Variants in SNTG1 observed in about 807,000 individuals in gnomAD.
The protein encoded by SNTG1 is syntrophin gamma 1.
SNTG1 carries 39 observed loss-of-function variants against 74.7 expected under a neutral mutation model. The ratio of observed to expected loss-of-function variants is 0.52; its 90% confidence interval spans 0.40 to 0.68. The LOEUF is 0.68. Among genes scored for constraint, SNTG1 ranks in the 30% least tolerant of loss-of-function variants. The pLI is 0.00. For missense variants in SNTG1, 685 were observed against 609.5 expected (o/e 1.12, Z -1.30); for synonymous variants, 254 against 217.1 (o/e 1.17, Z -1.49).
At chr8:49,974,659 T>G (rs1288615924) in intron 1 of SNTG1, among the ~76,000 whole-genome samples, 1 of 152,144 alleles carries the variant, frequency 6.6e-6, no homozygotes, top group Non-Finnish European at 1.5e-5. Context: ...CTACATCAAC[T>G]GTAAAATGAA....
At chr8:50,491,208 A>G (rs986151506) in intron 8 of SNTG1, 1 of 152,320 alleles carries the variant, frequency 6.6e-6, no homozygotes, top group Admixed American at 6.5e-5. Flanking sequence ...CACACCTCGG[A>G]CAGCCAACAA....
chr8:50,242,614 C>T (rs1313716511), intron 2 of SNTG1, among the ~76,000 whole-genome samples: 1 of 151,164 alleles, frequency 6.6e-6, no homozygotes, highest in African/African-American at 2.4e-5. Context: ...TGTGAAGCCC[C>T]CAAATATGTA....
At chr8:50,445,347 C>T (rs540039916) in intron 5 of SNTG1, among the ~76,000 whole-genome samples, 7 of 152,118 alleles carry the variant, frequency 4.6e-5, no homozygotes, top group Non-Finnish European at 8.8e-5. Context: ...TAGTGGTTAG[C>T]TCTATGCATC....
intron 1 of SNTG1, among the ~76,000 whole-genome samples, chr8:50,119,871 G>A (rs1365976820): frequency 7.0e-6 from 1 of 142,036 alleles, no homozygotes; most frequent in Non-Finnish European, 1.6e-5. Flanking sequence ...TTACAGGAAA[G>A]TGCAATACTC....
chr8:50,136,649 T>G, intron 1 of SNTG1, among the ~76,000 whole-genome samples: 1 of 152,172 alleles, frequency 6.6e-6, no homozygotes, highest in Non-Finnish European at 1.5e-5. Flanking sequence ...CAATGCCTGC[T>G]ATAACTTCCA....
chr8:50,550,925 T>C (rs1396667560), intron 11 of SNTG1, among the ~76,000 whole-genome samples: 1 of 152,108 alleles, frequency 6.6e-6, no homozygotes, highest in Non-Finnish European at 1.5e-5. Flanking sequence ...GAGACAATAA[T>C]TCTATGTGGG....
At chr8:50,216,925 A>G (rs1469491522) in intron 2 of SNTG1, among the ~76,000 whole-genome samples, 1 of 152,030 alleles carries the variant, frequency 6.6e-6, no homozygotes, top group Non-Finnish European at 1.5e-5. Flanking sequence ...AACATACCAG[A>G]TAGTATCCTG....
At chr8:50,436,818 T>C (rs575891205) in intron 4 of SNTG1, among the ~76,000 whole-genome samples, 1 of 152,308 alleles carries the variant, frequency 6.6e-6, no homozygotes, top group African/African-American at 2.4e-5. Context: ...TTAATAGATT[T>C]TGTGTACTTA....
chr8:50,036,268 T>G (rs1818155570), intron 1 of SNTG1, among the ~76,000 whole-genome samples: 2 of 152,120 alleles, frequency 1.3e-5, no homozygotes, highest in African/African-American at 4.8e-5. Flanking sequence ...GATAAGAAAA[T>G]GACAACTATG....
chr8:50,332,455 T>TA (rs11479525), intron 2 of SNTG1, among the ~76,000 whole-genome samples: 3 of 151,888 alleles, frequency 2.0e-5, no homozygotes, highest in African/African-American at 7.3e-5. Flanking sequence ...TTTTTTTTTT[T>TA]AAAATGTGTT....
chr8:50,681,712 T>C (rs1452784547), intron 15 of SNTG1, among the ~76,000 whole-genome samples: 1 of 152,206 alleles, frequency 6.6e-6, no homozygotes, highest in Non-Finnish European at 1.5e-5. Context: ...AAACTCACTT[T>C]TTAGGAATTC....
At chr8:50,442,914 C>T (rs1011209998) in intron 5 of SNTG1, among the ~76,000 whole-genome samples, 11 of 152,126 alleles carry the variant, frequency 7.2e-5, no homozygotes, top group African/African-American at 2.7e-4. Flanking sequence ...GGCTGCTTTT[C>T]CCTGCTTGCA....
At chr8:50,202,064 C>T (rs1449052138) in intron 2 of SNTG1, among the ~76,000 whole-genome samples, 1 of 152,070 alleles carries the variant, frequency 6.6e-6, no homozygotes, top group Non-Finnish European at 1.5e-5. Flanking sequence ...ATAGACAATC[C>T]TTCTTTCCAG....
At chr8:50,588,769 C>T (rs1202005735) in intron 12 of SNTG1, among the ~76,000 whole-genome samples, 1 of 152,056 alleles carries the variant, frequency 6.6e-6, no homozygotes, top group Non-Finnish European at 1.5e-5. Flanking sequence ...AAGAGGCGCA[C>T]AATTTATTAG....
At chr8:50,670,851 A>T (rs892136168) in intron 15 of SNTG1, among the ~76,000 whole-genome samples, 4 of 149,134 alleles carry the variant, frequency 2.7e-5, no homozygotes, top group Non-Finnish European at 6.0e-5. Context: ...AGAGATATAG[A>T]TCAATGGAAC....
intron 13 of SNTG1, among the ~76,000 whole-genome samples, chr8:50,598,539 T>G (rs1470062962): frequency 1.3e-5 from 2 of 152,008 alleles, no homozygotes; most frequent in African/African-American, 4.8e-5. Flanking sequence ...TTCTTTGTGT[T>G]CAAGATGGCT....
chr8:50,447,014 A>G (rs1302350508), intron 5 of SNTG1, among the ~76,000 whole-genome samples: 1 of 152,216 alleles, frequency 6.6e-6, no homozygotes, highest in Admixed American at 6.5e-5. Flanking sequence ...CACTGTAATA[A>G]AAGTTATGTG....
chr8:50,551,646 CAT>C (rs1019038565), intron 11 of SNTG1, among the ~76,000 whole-genome samples: 3 of 152,150 alleles, frequency 2.0e-5, no homozygotes, highest in African/African-American at 7.2e-5. Context: ...CTAAAAATAT[CAT>C]GTGAAATTAT....
chr8:50,412,242 G>A (rs1364433873), intron 4 of SNTG1, among the ~76,000 whole-genome samples: 3 of 152,028 alleles, frequency 2.0e-5, no homozygotes, highest in African/African-American at 7.2e-5. Flanking sequence ...ATTTTAATAT[G>A]AGATTTTCTT....
Sources: gnomAD v4.1 joint callset for allele counts (sites outside exome capture counted in the v4.1 genomes callset) on GRCh38, gnomAD v4.1.1 for gene constraint, MANE v1.5 for transcripts, NCBI Gene and HGNC (gene_info 2026-07-23, HGNC 2026-07-21) for gene names.